The following MATCAP2 variants were observed in gnomAD, a reference collection of about 807,000 sequenced individuals.
MATCAP2 encodes microtubule associated tyrosine carboxypeptidase 2, also known as putative tyrosine carboxypeptidase MATCAP2.
At chr7:36,356,838 T>A in the MATCAP2 span, 1 of 1,318,298 alleles carries the variant, frequency 7.6e-7, no homozygotes, top group Non-Finnish European at 1.1e-6. Context: ...TTTTTGCTTA[T>A]AAGATCACAG....
At chr7:36,385,678 TGGAAGGCTGAGATG>T in the MATCAP2 span, among the ~76,000 whole-genome samples, 1 of 151,934 alleles carries the variant, frequency 6.6e-6, no homozygotes, top group South Asian at 2.1e-4. Context: ...CCCAGATACT[TGGAAGGCTGAGATG>T]GGAAGATTGC....
the MATCAP2 span, among the ~76,000 whole-genome samples, chr7:36,365,701 A>AAAC: frequency 3.9e-5 from 6 of 152,234 alleles, no homozygotes; most frequent in East Asian, 9.6e-4. Context: ...TCCGTCTCAA[A>AAAC]AACAACAACA....
the MATCAP2 span, among the ~76,000 whole-genome samples, chr7:36,387,709 AC>A: frequency 1.3e-5 from 2 of 152,204 alleles, no homozygotes; most frequent in African/African-American, 4.8e-5. Context: ...GAGGGAAGAT[AC>A]ACTAAATGTT....
At chr7:36,351,645 G>T in the MATCAP2 span, among the ~76,000 whole-genome samples, 2 of 151,790 alleles carry the variant, frequency 1.3e-5, no homozygotes, top group African/African-American at 4.8e-5. Context: ...TTCCATTAAG[G>T]TAGTAAAAAA....
the MATCAP2 span, among the ~76,000 whole-genome samples, chr7:36,339,304 A>C: frequency 6.6e-6 from 1 of 152,246 alleles, no homozygotes; most frequent in Non-Finnish European, 1.5e-5. Flanking sequence ...ATATATCATT[A>C]AGTTATCATA....
chr7:36,373,550 C>T, the MATCAP2 span, among the ~76,000 whole-genome samples: 5 of 152,092 alleles, frequency 3.3e-5, no homozygotes, highest in South Asian at 8.3e-4. Context: ...TGGGGGAAAG[C>T]GGGTAGGAAA....
chr7:36,384,140 T>C, the MATCAP2 span, among the ~76,000 whole-genome samples: 2 of 152,144 alleles, frequency 1.3e-5, no homozygotes, highest in East Asian at 3.8e-4. Flanking sequence ...CTTTCAAATT[T>C]TTGTGTTTTT....
At chr7:36,389,991 C>T in the MATCAP2 span, 1 of 1,614,124 alleles carries the variant, frequency 6.2e-7, no homozygotes, top group Non-Finnish European at 8.5e-7. Flanking sequence ...ATTTGAACCA[C>T]CGTTTCCATC....
chr7:36,362,364 G>A, the MATCAP2 span, among the ~76,000 whole-genome samples: 14 of 152,160 alleles, frequency 9.2e-5, no homozygotes, highest in Admixed American at 7.9e-4. Context: ...CACAGCCCCA[G>A]GTAAGAGCAA....
the MATCAP2 span, chr7:36,357,615 CAA>C: frequency 2.0e-6 from 3 of 1,533,858 alleles, no homozygotes; most frequent in East Asian, 6.8e-5. Context: ...AAAATCAAAA[CAA>C]AAGAAATAAC....
chr7:36,338,964 T>A, the MATCAP2 span, among the ~76,000 whole-genome samples: 7 of 152,334 alleles, frequency 4.6e-5, no homozygotes, highest in East Asian at 1.3e-3. Context: ...TCCTATCTTT[T>A]TAGACCAAAC....
chr7:36,386,560 AAACC>A, the MATCAP2 span, among the ~76,000 whole-genome samples: 2 of 152,178 alleles, frequency 1.3e-5, no homozygotes, highest in Admixed American at 6.5e-5. Flanking sequence ...GCAAGCCGAA[AAACC>A]AACCAAGTTT....
chr7:36,335,156 T>TCCTCAGTG, the MATCAP2 span: 1 of 1,613,956 alleles, frequency 6.2e-7, no homozygotes, highest in Admixed American at 1.7e-5. Context: ...GGAAAGCAGG[T>TCCTCAGTG]CCTCAGTGAG....
the MATCAP2 span, chr7:36,366,810 TC>T: frequency 1.3e-6 from 2 of 1,523,422 alleles, no homozygotes; most frequent in South Asian, 2.4e-5. Context: ...CAGGGTGGAG[TC>T]CCGAGCGGCG....
chr7:36,381,107 G>A, the MATCAP2 span, among the ~76,000 whole-genome samples: 2 of 152,174 alleles, frequency 1.3e-5, no homozygotes, highest in East Asian at 1.9e-4. Flanking sequence ...TTTTCAGTTA[G>A]GGCCCAAAGC....
the MATCAP2 span, chr7:36,357,396 G>GT: frequency 6.2e-7 from 1 of 1,614,116 alleles, no homozygotes; most frequent in Non-Finnish European, 8.5e-7. Flanking sequence ...GAGGAAGACT[G>GT]TTTTTGTGAA....
the MATCAP2 span, among the ~76,000 whole-genome samples, chr7:36,383,164 C>A: frequency 1.3e-5 from 2 of 152,026 alleles, no homozygotes; most frequent in African/African-American, 2.4e-5. Context: ...AAGATTAATA[C>A]CATTAATCAT....
At chr7:36,350,272 CAAT>C in the MATCAP2 span, among the ~76,000 whole-genome samples, 11 of 152,026 alleles carry the variant, frequency 7.2e-5, no homozygotes, top group Non-Finnish European at 1.5e-4. Flanking sequence ...TTTTAAAGCA[CAAT>C]AATGTAATAT....
chr7:36,326,938 G>A, the MATCAP2 span: 14 of 1,597,534 alleles, frequency 8.8e-6, no homozygotes, highest in Middle Eastern at 5.0e-4. Flanking sequence ...AGGAAGATGA[G>A]TTAAATTAAA....
Sources: gnomAD v4.1 joint callset for allele counts (sites outside exome capture counted in the v4.1 genomes callset) on GRCh38, gnomAD v4.1.1 for gene constraint, MANE v1.5 for transcripts, NCBI Gene and HGNC (gene_info 2026-07-23, HGNC 2026-07-21) for gene names.